Variants in CREB5 observed in about 807,000 individuals in gnomAD.
CREB5 encodes the protein cyclic AMP-responsive element-binding protein 5.
CREB5 carries 19 observed loss-of-function variants against 57.1 expected under a neutral mutation model. That is an observed-to-expected ratio of 0.33 (90% CI 0.23 to 0.49). The LOEUF (loss-of-function observed/expected upper bound fraction) is 0.49, where lower values mean the gene tolerates loss of function less well. Ranked by LOEUF, CREB5 falls within the 20% of genes least tolerant of loss-of-function variation. CREB5 has a pLI of 0.99. For missense variants in CREB5, 579 were observed against 671.6 expected (o/e 0.86, Z 1.52); for synonymous variants, 238 against 238.3 (o/e 1.00, Z 0.01).
intron 1 of CREB5, among the ~76,000 whole-genome samples, chr7:28,438,039 C>T (rs111441495): frequency 2.6e-5 from 4 of 152,172 alleles, no homozygotes; most frequent in Admixed American, 2.0e-4. Context: ...CGGGATGCAT[C>T]GTGATGCATC....
intron 4 of CREB5, among the ~76,000 whole-genome samples, chr7:28,519,477 C>T (rs1218379155): frequency 1.3e-5 from 2 of 152,142 alleles, no homozygotes; most frequent in Admixed American, 6.5e-5. Flanking sequence ...TTGAAGATGG[C>T]GTCACTGATT....
chr7:28,538,199 A>G (rs760972002), intron 4 of CREB5, among the ~76,000 whole-genome samples: 56 of 151,772 alleles, frequency 3.7e-4, no homozygotes, highest in Non-Finnish European at 1.9e-4. Context: ...GATTACAGAC[A>G]CTCCCCACCA....
At chr7:28,445,833 G>A (rs895002572) in intron 1 of CREB5, among the ~76,000 whole-genome samples, 5 of 152,146 alleles carry the variant, frequency 3.3e-5, no homozygotes, top group Non-Finnish European at 2.9e-5. Flanking sequence ...TTACAGGCGT[G>A]AGCCACTGCG....
intron 6 of CREB5, among the ~76,000 whole-genome samples, chr7:28,723,334 T>G (rs963041549): frequency 6.6e-6 from 1 of 152,198 alleles, no homozygotes; most frequent in East Asian, 1.9e-4. Context: ...TGAATGGAAG[T>G]AGACATTTTG....
chr7:28,538,251 G>C lies in CREB5; in HGVS notation c.291+30514G>C, dbSNP rs542560705. Among the ~76,000 whole-genome samples the C allele has an allele frequency of 4.5e-4, 68 of 151,882 alleles. 1 individual carries two copies. Among genetic ancestry groups the C allele is most frequent in the Non-Finnish European group, 4.1e-4 (28 of 67,970 alleles). ...ATGTTTTTAGTAGAGACAGAGTTTC[G>C]CCATGTTGGCCAGGCTGGTCTCGAA... On this transcript the variant is annotated intron_variant, in intron 4 of 10. Coordinates refer to ENST00000357727, the MANE Select transcript of CREB5 (RefSeq NM_182898.4).
chr7:28,642,973 C>T (rs1637455), intron 5 of CREB5, among the ~76,000 whole-genome samples: 2,345 of 121,944 alleles, frequency 0.019, 24 homozygotes, highest in African/African-American at 0.057. Flanking sequence ...CACACACACA[C>T]ACACACACAC....
intron 4 of CREB5, among the ~76,000 whole-genome samples, chr7:28,511,942 T>C (rs1009581257): frequency 5.9e-5 from 9 of 152,150 alleles, no homozygotes; most frequent in African/African-American, 2.2e-4. Context: ...TGATAGCAGG[T>C]TGGCTCAAGG....
intron 6 of CREB5, 80 bp from the exon 7 acceptor site, chr7:28,724,142 T>C: frequency 3.3e-6 from 4 of 1,213,170 alleles, no homozygotes; most frequent in Non-Finnish European, 3.5e-6. Context: ...AAACGATCCA[T>C]TGGACAGAAA....
At chr7:28,493,006 C>T (rs1791873789) in intron 2 of CREB5, among the ~76,000 whole-genome samples, 1 of 152,034 alleles carries the variant, frequency 6.6e-6, no homozygotes, top group African/African-American at 2.4e-5. Flanking sequence ...CCATGTTTTG[C>T]AAAAGCCAAT....
rs1318638934 is a variant in CREB5 at position 28,642,991 on chromosome 7, C to CAT, written c.464+72455_464+72456insTA. Among the ~76,000 whole-genome samples, 1,089 of 114,168 alleles carry CAT rather than the reference C, an allele frequency of 9.5e-3. 2 individuals are homozygous for CAT. The highest frequency in any genetic ancestry group is 0.014 in the Non-Finnish European group (736 of 52,368). 74.9% of individuals were successfully genotyped at this position (114,168 alleles called of 152,430 possible). On this transcript the variant is annotated intron_variant, in intron 5 of 10. Transcript: ENST00000357727. Reference sequence around the variant, plus strand: ...ACACACACACACACACACACATACACACACACACACACACACACACACACA... The same window carrying CAT: ...ACACACACACACACACACACATACACATACACACACACACACACACACACACA...
chr7:28,621,972 G>A (rs1442467035), intron 5 of CREB5, among the ~76,000 whole-genome samples: 1 of 152,132 alleles, frequency 6.6e-6, no homozygotes, highest in Non-Finnish European at 1.5e-5. Context: ...CTGCCAATTT[G>A]TTAGCGAATA....
intron 5 of CREB5, among the ~76,000 whole-genome samples, chr7:28,670,593 G>A (rs1583514063): frequency 1.3e-5 from 2 of 152,310 alleles, no homozygotes; most frequent in East Asian, 1.9e-4. Flanking sequence ...TGACTACTTT[G>A]ATACAGAGTA....
At chr7:28,675,075 C>T (rs1800251299) in intron 5 of CREB5, among the ~76,000 whole-genome samples, 1 of 152,222 alleles carries the variant, frequency 6.6e-6, no homozygotes, top group Admixed American at 6.5e-5. Flanking sequence ...GTGGCTCCTT[C>T]TCACTAATCA....
chr7:28,416,491 T>C (rs1788031352), intron 1 of CREB5, among the ~76,000 whole-genome samples: 1 of 152,210 alleles, frequency 6.6e-6, no homozygotes, highest in Admixed American at 6.5e-5. Context: ...ACTGGCCAGG[T>C]ATTAATTCAT....
At chr7:28,770,693 T>G (rs17730573) in intron 7 of CREB5, among the ~76,000 whole-genome samples, 6,815 of 152,320 alleles carry the variant, frequency 0.045, 224 homozygotes, top group Middle Eastern at 0.075. Flanking sequence ...AAATTTTTAG[T>G]TGCGACATTA....
intron 7 of CREB5, among the ~76,000 whole-genome samples, chr7:28,802,529 A>G (rs1223878638): frequency 6.6e-6 from 1 of 152,234 alleles, no homozygotes; most frequent in Non-Finnish European, 1.5e-5. Flanking sequence ...AGATAAGAAC[A>G]CAAATCTGGA....
At chr7:28,599,761 T>TTTTTTA (rs1418349513) in intron 5 of CREB5, among the ~76,000 whole-genome samples, 2 of 151,736 alleles carry the variant, frequency 1.3e-5, no homozygotes, top group Non-Finnish European at 2.9e-5. Context: ...TTTGTTTTTT[T>TTTTTTA]ATTGTATTAG....
At chr7:28,694,587 G>A (rs898660159) in intron 5 of CREB5, among the ~76,000 whole-genome samples, 2 of 152,110 alleles carry the variant, frequency 1.3e-5, no homozygotes, top group South Asian at 4.1e-4. Context: ...ACAGGGTCTC[G>A]CTTTGTCACC....
intron 1 of CREB5, among the ~76,000 whole-genome samples, chr7:28,424,092 C>G (rs913789661): frequency 2.6e-5 from 4 of 152,204 alleles, no homozygotes; most frequent in Admixed American, 1.3e-4. Context: ...TTCTCTGTGA[C>G]TTCACATGGT....
Sources: allele counts gnomAD v4.1 joint callset (sites outside exome capture counted in the v4.1 genomes callset), GRCh38; gene constraint gnomAD v4.1.1; transcripts MANE v1.5; gene names NCBI Gene and HGNC (gene_info 2026-07-23, HGNC 2026-07-21).